Variants in BRAF observed in about 807,000 individuals in gnomAD.
BRAF encodes serine/threonine-protein kinase B-raf.
BRAF carries 16 observed loss-of-function variants against 104.6 expected under a neutral mutation model. The ratio of observed to expected loss-of-function variants is 0.15; its 90% CI spans 0.10 to 0.23. The LOEUF (loss-of-function observed/expected upper bound fraction) is 0.23, where lower values mean the gene tolerates loss of function less well. Among genes scored for constraint, BRAF ranks in the 10% least tolerant of loss-of-function variants. BRAF has a pLI of 1.00. For missense variants in BRAF, 541 were observed against 937.3 expected (o/e 0.58, Z 5.52); for synonymous variants, 310 against 341.6 (o/e 0.91, Z 1.02).
At chr7:140,715,013 A>G (rs941244426), downstream of BRAF, among the ~76,000 whole-genome samples, 1 of 152,160 alleles carries the variant, frequency 6.6e-6, no homozygotes, top group African/African-American at 2.4e-5. Flanking sequence ...AGTCCAGGGC[A>G]TCTCCCACTG....
chr7:140,908,451 G>A (rs868457627), intron 1 of BRAF, among the ~76,000 whole-genome samples: 24 of 151,880 alleles, frequency 1.6e-4, no homozygotes, highest in Middle Eastern at 6.8e-3. Context: ...TTCTCCACAC[G>A]TGATTTGCCT....
chr7:140,843,305 T>G (rs1808187205), intron 2 of BRAF, among the ~76,000 whole-genome samples: 1 of 152,212 alleles, frequency 6.6e-6, no homozygotes, highest in Non-Finnish European at 1.5e-5. Flanking sequence ...AGGAGTTGTA[T>G]GAGGGAAAGA....
intron 1 of BRAF, among the ~76,000 whole-genome samples, chr7:140,882,055 T>G (rs1327436242): frequency 6.6e-6 from 1 of 152,202 alleles, no homozygotes; most frequent in African/African-American, 2.4e-5. Flanking sequence ...ACTTGCTTGA[T>G]GTAAGGCTGC....
chr7:140,788,965 C>T (rs1801666975), intron 8 of BRAF, among the ~76,000 whole-genome samples: 2 of 151,546 alleles, frequency 1.3e-5, no homozygotes, highest in Admixed American at 1.3e-4. Context: ...AATACCAGCA[C>T]TTTGGGAGGC....
At chr7:140,760,278 T>G (rs1391463642) in intron 14 of BRAF, among the ~76,000 whole-genome samples, 2 of 152,044 alleles carry the variant, frequency 1.3e-5, no homozygotes, top group Non-Finnish European at 2.9e-5. Flanking sequence ...CTGGGTGTGG[T>G]GGTGTGCACC....
At chr7:140,743,348 A>C (rs1488901288) in intron 17 of BRAF, among the ~76,000 whole-genome samples, 1 of 152,050 alleles carries the variant, frequency 6.6e-6, no homozygotes, top group Non-Finnish European at 1.5e-5. Flanking sequence ...GATAGACTGG[A>C]TTAAGAAAAT....
chr7:140,729,529 C>G (rs1795816197), intron 19 of BRAF, among the ~76,000 whole-genome samples: 1 of 152,074 alleles, frequency 6.6e-6, no homozygotes, highest in Non-Finnish European at 1.5e-5. Flanking sequence ...AGCCTGTAAT[C>G]CCAGCACTTT....
intron 16 of BRAF, among the ~76,000 whole-genome samples, chr7:140,752,482 G>A (rs1586011064): frequency 2.6e-5 from 4 of 152,300 alleles, no homozygotes; most frequent in Middle Eastern, 6.8e-3. Context: ...CCTCTAAAAC[G>A]GTGTGAGGGA....
chr7:140,734,283 T>G, intron 19 of BRAF: 2 of 1,227,788 alleles, frequency 1.6e-6, no homozygotes, highest in African/African-American at 1.5e-5. Context: ...AAAAGTTGCA[T>G]GAGAAACTGA....
chr7:140,777,947 A>C (rs1562955098), intron 13 of BRAF, 44 bp downstream of exon 12: 1 of 1,584,232 alleles, frequency 6.3e-7, no homozygotes, highest in East Asian at 2.2e-5. Flanking sequence ...GAGCTAATAA[A>C]AATAACTTCT....
chr7:140,915,297 C>T (rs1231008864), intron 1 of BRAF, among the ~76,000 whole-genome samples: 2 of 152,078 alleles, frequency 1.3e-5, no homozygotes, highest in East Asian at 3.9e-4. Flanking sequence ...AGTATCCTAA[C>T]ATTTTATTTC....
intron 14 of BRAF, chr7:140,773,139 T>G (rs1217353150): frequency 1.3e-5 from 2 of 152,116 alleles, no homozygotes; most frequent in African/African-American, 4.8e-5. Context: ...TAATCTTGCA[T>G]TGTATGTGTT....
chr7:140,772,083 T>C (rs1360034121), intron 14 of BRAF, among the ~76,000 whole-genome samples: 1 of 151,842 alleles, frequency 6.6e-6, no homozygotes, highest in Non-Finnish European at 1.5e-5. Context: ...TCCATGGGAA[T>C]AGATAGGGGG....
Position 140,726,447 on chromosome 7 carries a change from C to T in BRAF, c.*47G>A, listed in dbSNP as rs576820459. 952 of 1,532,286 alleles carry T rather than the reference C, an allele frequency of 6.2e-4. 9 individuals carry two copies. In the South Asian group the frequency reaches 0.011, roughly 17 times the overall value. 94.9% of individuals were successfully genotyped at this position (1,532,286 alleles called of 1,614,324 possible). On this transcript the variant is annotated 3_prime_UTR_variant, in exon 20 of 20. Coordinates refer to ENST00000644969, the MANE Select transcript of BRAF (RefSeq NM_001374258.1). ...TGTGTTTTGATGTTAACAAATTGTA[C>T]GAACACAAGACTTAAGAAATAAGAG...
At chr7:140,875,478 C>T (rs572490007) in intron 1 of BRAF, among the ~76,000 whole-genome samples, 55 of 152,320 alleles carry the variant, frequency 3.6e-4, no homozygotes, top group African/African-American at 9.9e-4. Context: ...CGGGCTCAAG[C>T]GATTTTCCTG....
intron 1 of BRAF, among the ~76,000 whole-genome samples, chr7:140,908,464 C>A (rs1367277293): frequency 2.0e-5 from 3 of 152,046 alleles, no homozygotes. Flanking sequence ...ATTTGCCTTT[C>A]CATCTGCCAG....
chr7:140,846,050 C>A (rs1309826757), intron 2 of BRAF, among the ~76,000 whole-genome samples: 1 of 151,956 alleles, frequency 6.6e-6, no homozygotes, highest in Admixed American at 6.6e-5. Flanking sequence ...GAACCCCATG[C>A]GATGCCAGTA....
chr7:140,833,508 G>T (rs1410683315), intron 3 of BRAF, among the ~76,000 whole-genome samples: 1 of 152,136 alleles, frequency 6.6e-6, no homozygotes, highest in Non-Finnish European at 1.5e-5. Flanking sequence ...TCCCTGGAAA[G>T]ATATGCTTAG....
At chr7:140,738,071 C>T (rs901394151) in intron 18 of BRAF, among the ~76,000 whole-genome samples, 3 of 152,168 alleles carry the variant, frequency 2.0e-5, no homozygotes, top group African/African-American at 7.2e-5. Context: ...AGCTGCTCAG[C>T]AGCACTTGTC....
Sources: gnomAD v4.1 joint callset for allele counts (sites outside exome capture counted in the v4.1 genomes callset) on GRCh38, gnomAD v4.1.1 for gene constraint, MANE v1.5 for transcripts, NCBI Gene and HGNC (gene_info 2026-07-23, HGNC 2026-07-21) for gene names.